The following GNA12 variants were observed in gnomAD, a reference collection of about 807,000 sequenced individuals.
The protein encoded by GNA12 is guanine nucleotide-binding protein subunit alpha-12.
A neutral mutation model predicts 26.0 loss-of-function variants in GNA12; 9 were observed. The observed-to-expected ratio is 0.35, with a 90% CI of 0.21 to 0.60. The LOEUF is 0.60. Ranked by LOEUF, GNA12 falls within the 20% of genes least tolerant of loss-of-function variation. GNA12 has a pLI of 0.78. For synonymous variants in GNA12, 264 were observed against 219.6 expected (o/e 1.20, Z -1.79); for missense variants, 405 against 525.8 (o/e 0.77, Z 2.25).
At chr7:2,802,334 C>G (rs773269218) in intron 1 of GNA12, among the ~76,000 whole-genome samples, 27 of 133,530 alleles carry the variant, frequency 2.0e-4, no homozygotes, top group Admixed American at 4.6e-4. Flanking sequence ...ATAAATCCAG[C>G]AACTTAAACT....
intron 2 of GNA12, among the ~76,000 whole-genome samples, chr7:2,759,511 A>G (rs1278031962): frequency 6.6e-6 from 1 of 152,348 alleles, no homozygotes; most frequent in East Asian, 1.9e-4. Context: ...ATAGGTGGTA[A>G]AAAGACAAGT....
At chr7:2,778,912 C>T (rs964587946) in intron 2 of GNA12, among the ~76,000 whole-genome samples, 1 of 152,168 alleles carries the variant, frequency 6.6e-6, no homozygotes, top group African/African-American at 2.4e-5. Flanking sequence ...GTTGATACTA[C>T]CACCCTTTGA....
chr7:2,835,833 C>T (rs1373965691), intron 1 of GNA12: 18 of 635,240 alleles, frequency 2.8e-5, no homozygotes, highest in South Asian at 4.6e-5. Context: ...CTTATCAAAT[C>T]GGTGATGTCT....
chr7:2,795,585 T>G (rs1004863177), intron 1 of GNA12, among the ~76,000 whole-genome samples: 8 of 146,600 alleles, frequency 5.5e-5, no homozygotes, highest in African/African-American at 2.0e-4. Flanking sequence ...CTATGATTGC[T>G]GCACTATATT....
At chr7:2,784,466 T>TGAATTACTGCCAAAGAATAGAATAACAC (rs1792310555) in intron 2 of GNA12, among the ~76,000 whole-genome samples, 1 of 152,220 alleles carries the variant, frequency 6.6e-6, no homozygotes, top group Non-Finnish European at 1.5e-5. Context: ...CCTGGGACGA[T>TGAATTACTGCCAAAGAATAGAATAACAC]GAATTACTGC....
chr7:2,793,155 G>A (rs1792562715), intron 2 of GNA12, among the ~76,000 whole-genome samples: 1 of 152,220 alleles, frequency 6.6e-6, no homozygotes, highest in South Asian at 2.1e-4. Flanking sequence ...CCTGGCCAGT[G>A]CTCTGGACAT....
chr7:2,747,302 C>T (rs560803673), intron 2 of GNA12, among the ~76,000 whole-genome samples: 6 of 152,188 alleles, frequency 3.9e-5, no homozygotes, highest in African/African-American at 1.4e-4. Flanking sequence ...CCCAGCAGCA[C>T]ATCAAAAAGC....
intron 2 of GNA12, among the ~76,000 whole-genome samples, chr7:2,792,754 T>G (rs966291194): frequency 2.0e-5 from 3 of 152,238 alleles, no homozygotes; most frequent in African/African-American, 7.2e-5. Context: ...TTACCTTAAC[T>G]GTTAAAGTTA....
chr7:2,780,189 TAG>T (rs1474339517), intron 2 of GNA12, among the ~76,000 whole-genome samples: 1 of 150,802 alleles, frequency 6.6e-6, no homozygotes, highest in African/African-American at 2.4e-5. Context: ...CATGTCAACA[TAG>T]AGAGTTCTCT....
chr7:2,756,889 C>T (rs1791324290), intron 2 of GNA12, among the ~76,000 whole-genome samples: 1 of 151,624 alleles, frequency 6.6e-6, no homozygotes, highest in African/African-American at 2.4e-5. Flanking sequence ...GTCTGGGTAA[C>T]ACAGTGAGAC....
chr7:2,802,854 T>C (rs537240096), intron 1 of GNA12, among the ~76,000 whole-genome samples: 14 of 152,236 alleles, frequency 9.2e-5, no homozygotes, highest in African/African-American at 3.1e-4. Context: ...TACCTTTTAG[T>C]GTAAAGGTCA....
At chr7:2,743,612 A>G (rs1583223095) in intron 2 of GNA12, among the ~76,000 whole-genome samples, 1 of 152,312 alleles carries the variant, frequency 6.6e-6, no homozygotes, top group East Asian at 1.9e-4. Context: ...AGCGTGAGCA[A>G]TGCAGAAGAC....
chr7:2,763,258 T>A (rs1791659914), intron 2 of GNA12: 1 of 334,346 alleles, frequency 3.0e-6, no homozygotes, highest in African/African-American at 2.5e-5. Flanking sequence ...AGAAAACACA[T>A]TTGCCTTCCC....
chr7:2,829,616 C>T lies in GNA12; in HGVS notation c.309+14237G>A, dbSNP rs1793557423. ...TTATATCATCTATATACTTATTATT[C>T]TTATACAATATAGAGCACTCTTGGA... On this transcript the variant is annotated intron_variant, in intron 1 of 3. Transcript: ENST00000275364. 2.0e-5 allele frequency among the ~76,000 whole-genome samples: 3 copies of T among 152,134 alleles called. No individual in the cohort carries two copies. The South Asian group carries it at 6.2e-4, about 31-fold the overall frequency.
At position 2,752,888 on chromosome 7, in the gene GNA12, G is replaced by A. The variant is rs142222258; in HGVS notation, c.526-19387C>T. Among the ~76,000 whole-genome samples, 197 of 152,238 alleles carry A rather than the reference G, an allele frequency of 1.3e-3. 1 individual carries two copies. The highest frequency in any genetic ancestry group is 4.5e-3 in the African/African-American group (186 of 41,522). ...ACCAGGGAACTGACGTTAGTACAATGTGTGTGTGGTTCCATGCACTTTGTC... is the reference window on the plus strand; with the variant it reads ...ACCAGGGAACTGACGTTAGTACAATATGTGTGTGGTTCCATGCACTTTGTC... On this transcript the variant is annotated intron_variant, in intron 2 of 3. Coordinates refer to ENST00000275364, the MANE Select transcript of GNA12 (RefSeq NM_007353.3).
chr7:2,805,560 G>C (rs1792925618), intron 1 of GNA12, among the ~76,000 whole-genome samples: 1 of 152,210 alleles, frequency 6.6e-6, no homozygotes, highest in African/African-American at 2.4e-5. Flanking sequence ...AGAGATAAGG[G>C]AGCAGAGGAA....
intron 1 of GNA12, among the ~76,000 whole-genome samples, chr7:2,798,183 A>G (rs1193045853): frequency 6.6e-6 from 1 of 152,262 alleles, no homozygotes; most frequent in Non-Finnish European, 1.5e-5. Flanking sequence ...CACACAGCTC[A>G]GGAAAAGCAG....
intron 1 of GNA12, among the ~76,000 whole-genome samples, chr7:2,834,967 A>AATATACATTGCGATGCG: frequency 6.6e-6 from 1 of 151,660 alleles, no homozygotes; most frequent in Non-Finnish European, 1.5e-5. Context: ...ATCGCGATGC[A>AATATACATTGCGATGCG]TGACTATACA....
chr7:2,762,428 A>G (rs771937091), intron 2 of GNA12: 1 of 492,922 alleles, frequency 2.0e-6, no homozygotes, highest in South Asian at 4.1e-5. Context: ...TAACTTGGCC[A>G]AGGGCAAAAA....
Sources: allele counts gnomAD v4.1 joint callset (sites outside exome capture counted in the v4.1 genomes callset), GRCh38; gene constraint gnomAD v4.1.1; transcripts MANE v1.5; gene names NCBI Gene and HGNC (gene_info 2026-07-23, HGNC 2026-07-21).